Variants in PLCB1 observed in about 807,000 individuals in gnomAD.
The protein encoded by PLCB1 is phospholipase C beta 1.
A neutral mutation model predicts 161.8 loss-of-function variants in PLCB1; 46 were observed. The observed-to-expected ratio is 0.28, with a 90% CI of 0.22 to 0.36. The LOEUF is 0.36. Among genes scored for constraint, PLCB1 ranks in the 10% least tolerant of loss-of-function variants. PLCB1 has a pLI of 1.00. For missense variants in PLCB1, 1,016 were observed against 1,472.5 expected (o/e 0.69, Z 5.07); for synonymous variants, 517 against 503.7 (o/e 1.03, Z -0.35).
intron 3 of PLCB1, among the ~76,000 whole-genome samples, chr20:8,615,920 A>G (rs1988028973): frequency 6.6e-6 from 1 of 152,118 alleles, no homozygotes; most frequent in African/African-American, 2.4e-5. Context: ...CAAACTCATA[A>G]TCATAATCAT....
intron 31 of PLCB1, among the ~76,000 whole-genome samples, chr20:8,878,423 A>AAATT (rs1490551651): frequency 6.6e-6 from 1 of 152,184 alleles, no homozygotes; most frequent in Non-Finnish European, 1.5e-5. Context: ...ACTTCCTTCT[A>AAATT]AATTGTTGGA....
At chr20:8,312,830 C>G (rs1984465967) in intron 2 of PLCB1, among the ~76,000 whole-genome samples, 1 of 150,260 alleles carries the variant, frequency 6.7e-6, no homozygotes, top group Non-Finnish European at 1.5e-5. Flanking sequence ...TCCATCTTTT[C>G]TCTATAGAAA....
chr20:8,228,841 A>G (rs1195015845), intron 2 of PLCB1, among the ~76,000 whole-genome samples: 2 of 152,154 alleles, frequency 1.3e-5, no homozygotes, highest in East Asian at 1.9e-4. Context: ...TAGTGATCAA[A>G]TCAGGGTAAT....
intron 31 of PLCB1, among the ~76,000 whole-genome samples, chr20:8,865,248 A>G (rs1042268097): frequency 6.6e-6 from 1 of 152,204 alleles, no homozygotes; most frequent in Non-Finnish European, 1.5e-5. Context: ...TTTCTTTCTC[A>G]TAGTTATAAG....
rs140928369 is a variant in PLCB1 at position 8,741,879 on chromosome 20, C to T, written c.2523+306C>T. ...TTCCATGCTAATTAAAGGTGATGAACGCATTTAAAAAGGAAGATAATCATC... is the reference window on the plus strand; with the variant it reads ...TTCCATGCTAATTAAAGGTGATGAATGCATTTAAAAAGGAAGATAATCATC... On this transcript the variant is annotated intron_variant, in intron 23 of 31. Transcript: ENST00000338037. Among the ~76,000 whole-genome samples, 1,413 of 152,248 alleles carry T rather than the reference C, an allele frequency of 9.3e-3. 10 individuals carry two copies. Among genetic ancestry groups the T allele is most frequent in the Non-Finnish European group, 0.015 (1,025 of 68,024 alleles).
intron 2 of PLCB1, among the ~76,000 whole-genome samples, chr20:8,325,738 C>T (rs912040026): frequency 2.6e-5 from 4 of 152,142 alleles, no homozygotes; most frequent in Non-Finnish European, 5.9e-5. Flanking sequence ...TTGTGAGACT[C>T]CACCTCTGGC....
In PLCB1 at chr20:8,486,775, G is replaced by A. The variant is rs1378925283; in HGVS notation, c.246+115325G>A. ...CTCCCAAAGTGCTGGGATTACAGGC[G>A]TGAGCCACCGCGCCCGGCCTCCAAA... On this transcript the variant is annotated intron_variant, in intron 3 of 31. Coordinates refer to ENST00000338037, the MANE Select transcript of PLCB1 (RefSeq NM_015192.4). Among the ~76,000 whole-genome samples the A allele has an allele frequency of 2.0e-5, 3 of 152,238 alleles. No homozygotes were observed. In the East Asian group the frequency reaches 5.8e-4, roughly 29 times the overall value.
At chr20:8,141,066 G>T (rs1469168777) in intron 1 of PLCB1, among the ~76,000 whole-genome samples, 4 of 152,076 alleles carry the variant, frequency 2.6e-5, no homozygotes, top group Non-Finnish European at 5.9e-5. Context: ...AAAGTGCTGG[G>T]ATTATAGATG....
At chr20:8,810,963 AC>A (rs1355618538) in intron 31 of PLCB1, among the ~76,000 whole-genome samples, 2 of 152,150 alleles carry the variant, frequency 1.3e-5, no homozygotes, top group African/African-American at 2.4e-5. Flanking sequence ...ACAGATTGAG[AC>A]CCTGTCTCAA....
chr20:8,876,711 G>A (rs1277361574), intron 31 of PLCB1, among the ~76,000 whole-genome samples: 1 of 152,174 alleles, frequency 6.6e-6, no homozygotes, highest in Non-Finnish European at 1.5e-5. Flanking sequence ...TGGTCAGCTA[G>A]GGGTGAGCTG....
chr20:8,644,184 G>A (rs1389352856), intron 4 of PLCB1, among the ~76,000 whole-genome samples: 4 of 152,196 alleles, frequency 2.6e-5, no homozygotes, highest in Admixed American at 2.6e-4. Context: ...GCCTCCCAAA[G>A]TGCCGAGATT....
At chr20:8,854,564 G>A (rs1987003721) in intron 31 of PLCB1, among the ~76,000 whole-genome samples, 1 of 152,164 alleles carries the variant, frequency 6.6e-6, no homozygotes, top group Admixed American at 6.5e-5. Context: ...CAAGGGGAGG[G>A]GAGTAGGGAA....
intron 2 of PLCB1, among the ~76,000 whole-genome samples, chr20:8,329,015 C>A (rs1056382007): frequency 6.6e-6 from 1 of 152,176 alleles, no homozygotes; most frequent in African/African-American, 2.4e-5. Flanking sequence ...AATGAGAATA[C>A]AAGATGCACA....
chr20:8,430,115 CTG>C (rs1979970896), intron 3 of PLCB1, among the ~76,000 whole-genome samples: 1 of 151,922 alleles, frequency 6.6e-6, no homozygotes, highest in Admixed American at 6.6e-5. Flanking sequence ...GTTATTTACA[CTG>C]TGACTGGGTG....
intron 3 of PLCB1, among the ~76,000 whole-genome samples, chr20:8,553,929 C>A (rs921350659): frequency 5.3e-5 from 8 of 151,830 alleles, no homozygotes; most frequent in African/African-American, 1.9e-4. Flanking sequence ...TTGAACCTAG[C>A]AAGCAGAGGT....
chr20:8,565,615 G>C (rs1986306580), intron 3 of PLCB1, among the ~76,000 whole-genome samples: 1 of 152,040 alleles, frequency 6.6e-6, no homozygotes, highest in Admixed American at 6.6e-5. Context: ...TGGTATATCT[G>C]TTTAACCAAC....
intron 26 of PLCB1, among the ~76,000 whole-genome samples, chr20:8,773,236 G>A (rs1179067376): frequency 6.6e-6 from 1 of 152,106 alleles, no homozygotes; most frequent in Non-Finnish European, 1.5e-5. Flanking sequence ...CTGGCCTATC[G>A]GACCACAAGT....
At chr20:8,872,908 T>C (rs1278420184) in intron 31 of PLCB1, among the ~76,000 whole-genome samples, 1 of 152,186 alleles carries the variant, frequency 6.6e-6, no homozygotes, top group African/African-American at 2.4e-5. Context: ...AAATGGAGAA[T>C]CAATTCTGTT....
intron 11 of PLCB1, among the ~76,000 whole-genome samples, chr20:8,707,609 G>C (rs991737827): frequency 6.6e-6 from 1 of 152,136 alleles, no homozygotes; most frequent in Admixed American, 6.5e-5. Flanking sequence ...GGGACTGTAA[G>C]AGTATTCATA....
Sources: allele counts gnomAD v4.1 joint callset (sites outside exome capture counted in the v4.1 genomes callset), GRCh38; gene constraint gnomAD v4.1.1; transcripts MANE v1.5; gene names NCBI Gene and HGNC (gene_info 2026-07-23, HGNC 2026-07-21).